ASPHD1: variants seen among roughly 807,000 people sequenced by gnomAD.
ASPHD1 encodes aspartate beta-hydroxylase domain containing 1, also known as aspartate beta-hydroxylase domain-containing protein 1.
In ASPHD1, 20 loss-of-function variants were observed where a neutral mutation model predicts 28.3. That is an observed-to-expected ratio of 0.71 (90% CI 0.50 to 1.03). ASPHD1 has a LOEUF of 1.03. ASPHD1 is among the 50% of genes least tolerant of loss of function. The pLI is 0.00. For missense variants in ASPHD1, 479 were observed against 524.1 expected (o/e 0.91, Z 0.84); for synonymous variants, 240 against 221.2 (o/e 1.08, Z -0.75).
chr16:29,912,042 C>G, intron 3 of ASPHD1: 1 of 1,604,304 alleles, frequency 6.2e-7, no homozygotes, highest in African/African-American at 1.3e-5. Flanking sequence ...CAGCGTCTCC[C>G]TTTTTTGCTG....
intron 2 of ASPHD1, 70 bp from the exon 3 acceptor site, chr16:29,905,718 T>C (rs1288385675): frequency 3.0e-6 from 3 of 1,003,210 alleles, no homozygotes; most frequent in East Asian, 5.0e-5. Flanking sequence ...TTTTATGGTG[T>C]TTGGTGAGTG....
rs1484455500 is a variant in ASPHD1 at position 29,901,181 on chromosome 16, G to A, written c.210G>A (p.Pro70=). ...CCAGGGCCTCCCTGATCATGCTCCCGTGGCCACTACCCCTGGCCTCCTCGG... is the reference window on the plus strand; with the variant it reads ...CCAGGGCCTCCCTGATCATGCTCCCATGGCCACTACCCCTGGCCTCCTCGG... The part of the protein sequence containing the change: ...LLARASLIML[P]WPLPLASSAL... The change falls in exon 1 of 3, where the codon CCG becomes CCA. Residue 70 remains proline (P), a synonymous_variant. Transcript: ENST00000308748. This position sits in a 1 kb window ranked among gnomAD's most constrained non-coding sequence, Gnocchi z 5.1. 2 of 1,613,312 alleles carry A rather than the reference G, an allele frequency of 1.2e-6. No individual in the cohort carries two copies. The highest frequency in any genetic ancestry group is 1.7e-6 in the Non-Finnish European group (2 of 1,179,636).
intron 3 of ASPHD1, among the ~76,000 whole-genome samples, chr16:29,916,582 G>A (rs528413823): frequency 8.1e-4 from 124 of 152,280 alleles, no homozygotes; most frequent in African/African-American, 2.9e-3. Flanking sequence ...TAAAACAACA[G>A]TCCAGGTGTG....
rs1597002144 is a variant in ASPHD1 at position 29,901,110 on chromosome 16, G to A, written c.139G>A (p.Gly47Arg). The A allele has an allele frequency of 6.2e-7, 1 of 1,609,636 alleles. No homozygotes were observed. The highest frequency in any genetic ancestry group is 8.5e-7 in the Non-Finnish European group (1 of 1,177,842). Reference sequence around the variant, plus strand: ...CATGGAAGGGACAGGTGGGGAGCTGGGGGGACAGGGGAACTGGGGTCCGGA... The same window carrying A: ...CATGGAAGGGACAGGTGGGGAGCTGAGGGGACAGGGGAACTGGGGTCCGGA... Reference protein sequence around the residue: ...AAMEGTGGELGGQGNWGPEDA... With the variant: ...AAMEGTGGELRGQGNWGPEDA... The change falls in exon 1 of 3, where the codon GGG (glycine) becomes AGG (arginine). Residue 47 changes from glycine (G) to arginine (R), a missense_variant. Gly to Arg is a moderately radical substitution (Grantham distance 125). Coordinates refer to ENST00000308748, the MANE Select transcript of ASPHD1 (RefSeq NM_181718.4). This position sits in a 1 kb window ranked among gnomAD's most constrained non-coding sequence, Gnocchi z 5.1.
chr16:29,905,192 G>T (rs931326437), intron 2 of ASPHD1: 2 of 434,156 alleles, frequency 4.6e-6, no homozygotes, highest in Non-Finnish European at 8.2e-6. Flanking sequence ...ACACAGAAAA[G>T]CGGTTACCAG....
At chr16:29,913,317 C>T (rs2068749897) in intron 3 of ASPHD1, 1 of 152,130 alleles carries the variant, frequency 6.6e-6, no homozygotes, top group Non-Finnish European at 1.5e-5. Flanking sequence ...AAAGCCACAA[C>T]AGTGAGAACG....
chr16:29,904,767 C>G, intron 1 of ASPHD1, 85 bp from the exon 2 acceptor site: 1 of 818,750 alleles, frequency 1.2e-6, no homozygotes, highest in South Asian at 1.7e-5. Flanking sequence ...ATTTAAGACA[C>G]TTAGAGCTAG....
At position 29,901,806 on chromosome 16, in the gene ASPHD1, C is replaced by T. The variant is rs375012242; in HGVS notation, c.835C>T (p.Arg279Ter). The T allele has an allele frequency of 2.6e-6, 4 of 1,562,010 alleles. No homozygotes were observed. The highest frequency in any genetic ancestry group is 3.5e-6 in the Non-Finnish European group (4 of 1,153,980). Residue 279 changes from arginine (R) to a stop codon, truncating the protein, a stop_gained, in exon 1 of 3, where the codon CGA becomes TGA. Coordinates refer to ENST00000308748, the MANE Select transcript of ASPHD1 (RefSeq NM_181718.4). LOFTEE classifies it high-confidence loss of function. The surrounding 1 kb of genome is among the most constrained non-coding windows in gnomAD (Gnocchi z 5.1). ...GGCCTATCGGGCACTGAGGGGGCTT[C>T]GAAGCTTTATGAGTGCCAACACCTT... ...PGAYRALRGL[R>*]SFMSANTFGN...
At chr16:29,909,570 A>G (rs1400587192), downstream of ASPHD1, among the ~76,000 whole-genome samples, 1 of 152,128 alleles carries the variant, frequency 6.6e-6, no homozygotes, top group African/African-American at 2.4e-5. Flanking sequence ...CTTGGGGAAT[A>G]TCTTGATGAT....
At chr16:29,910,934 T>C, downstream of ASPHD1, 1 of 1,574,044 alleles carries the variant, frequency 6.4e-7, no homozygotes. Context: ...GTCCTGGTCC[T>C]GGCCACCCCC....
Position 29,900,932 on chromosome 16 carries a change from G to A in ASPHD1, c.-40G>A. The stretch of plus-strand genomic sequence containing the variant: ...AGGAGGAAGAAGAGGTAGAAGGAGA[G>A]AGAAAGGGGAGAGAAAGGAGAGAGG... On this transcript the variant is annotated 5_prime_UTR_variant, in exon 1 of 3. Coordinates refer to ENST00000308748, the MANE Select transcript of ASPHD1 (RefSeq NM_181718.4). 6.5e-7 allele frequency: 1 copy of A among 1,529,620 alleles called. No homozygotes were observed. The highest frequency in any genetic ancestry group is 2.5e-5 in the East Asian group (1 of 40,802). The allele number at this position is 1,529,620 out of a possible 1,614,324, so 94.8% of individuals were successfully genotyped here.
intron 3 of ASPHD1, chr16:29,914,442 T>TG (rs2068773201): frequency 6.6e-6 from 1 of 151,304 alleles, no homozygotes; most frequent in African/African-American, 2.4e-5. Context: ...TTTCTTTTTT[T>TG]TTTTTTTTTT....
chr16:29,901,363 G>T lies in ASPHD1; in HGVS notation c.392G>T (p.Gly131Val). ...GCSEAGGPSP[G>V]GPGDPGEGPR... ...TCGGAGGCCGGCGGGCCAAGCCCAG[G>T]GGGTCCTGGGGATCCCGGGGAAGGA... is the stretch of plus-strand genomic sequence containing the variant. Residue 131 changes from glycine (G) to valine (V), a missense_variant, in exon 1 of 3, where the codon GGG (glycine) becomes GTG (valine). Coordinates refer to ENST00000308748, the MANE Select transcript of ASPHD1 (RefSeq NM_181718.4). This position sits in a 1 kb window ranked among gnomAD's most constrained non-coding sequence, Gnocchi z 5.1. The T allele has an allele frequency of 6.3e-7, 1 of 1,594,786 alleles. No individual in the cohort carries two copies. The highest frequency in any genetic ancestry group is 8.5e-7 in the Non-Finnish European group (1 of 1,171,968).
Position 29,901,748 on chromosome 16 carries a change from G to T in ASPHD1, c.777G>T (p.Arg259=), listed in dbSNP as rs561224019. The T allele has an allele frequency of 9.0e-6, 14 of 1,551,846 alleles. No homozygotes were observed. In the African/African-American group the frequency reaches 1.9e-4, roughly 21 times the overall value. ...AGCTCCTGCTGTACCAAGCAGGCCG[G>T]TGCCAACCCAGCAACTGCCGCCGGT... ...CYQLLLYQAG[R]CQPSNCRRCP... The change falls in exon 1 of 3, where the codon CGG becomes CGT. Residue 259 remains arginine (R), a synonymous_variant. Transcript: ENST00000308748. The surrounding 1 kb of genome is among the most constrained non-coding windows in gnomAD (Gnocchi z 5.1).
Position 29,901,601 on chromosome 16 carries a change from G to T in ASPHD1, c.630G>T (p.Val210=). ...CGCGGGACGCCCAGCGGCACGACGT[G>T]GAGCTCCTGGAGAGCAGCTTCCCTG... The part of the protein sequence containing the change: ...FVPRDAQRHD[V]ELLESSFPAI... The change falls in exon 1 of 3, where the codon GTG becomes GTT. Residue 210 remains valine (V), a synonymous_variant. Coordinates refer to ENST00000308748, the MANE Select transcript of ASPHD1 (RefSeq NM_181718.4). The surrounding 1 kb of genome is among the most constrained non-coding windows in gnomAD (Gnocchi z 5.1). The T allele has an allele frequency of 6.5e-7, 1 of 1,549,786 alleles. No homozygotes were observed. Among genetic ancestry groups the T allele is most frequent in the Non-Finnish European group, 8.6e-7 (1 of 1,157,044 alleles).
downstream of ASPHD1, chr16:29,919,724 A>G (rs2068873503): frequency 1.3e-5 from 2 of 151,928 alleles, no homozygotes; most frequent in South Asian, 4.2e-4. Context: ...ATACAACACG[A>G]TTGTATTTTG....
downstream of ASPHD1, chr16:29,906,833 G>A: frequency 6.4e-7 from 1 of 1,559,926 alleles, no homozygotes; most frequent in Middle Eastern, 1.7e-4. Context: ...AGAGGGACTG[G>A]GTCCCAAGGC....
downstream of ASPHD1, chr16:29,906,458 G>A (rs1338716454): frequency 4.3e-6 from 2 of 462,090 alleles, no homozygotes; most frequent in Non-Finnish European, 8.6e-6. Context: ...AGTTAAGGAG[G>A]TAGGGAGGAT....
chr16:29,911,953 G>T (rs772953486), intron 3 of ASPHD1: 2 of 1,610,472 alleles, frequency 1.2e-6, no homozygotes, highest in Non-Finnish European at 1.7e-6. Flanking sequence ...GGGCTTGGGG[G>T]CCTCACCTTG....
Sources: allele counts gnomAD v4.1 joint callset (sites outside exome capture counted in the v4.1 genomes callset), GRCh38; gene constraint gnomAD v4.1.1; non-coding constraint Gnocchi (gnomAD v3.1); transcripts MANE v1.5; gene names NCBI Gene and HGNC (gene_info 2026-07-23, HGNC 2026-07-21).